The following SLC9B1 variants were observed in gnomAD, a reference collection of about 807,000 sequenced individuals.
SLC9B1 encodes solute carrier family 9 member B1, also known as sodium/hydrogen exchanger 9B1.
In SLC9B1, 32 loss-of-function variants were observed where a neutral mutation model predicts 51.7. The ratio of observed to expected loss-of-function variants is 0.62; its 90% confidence interval spans 0.47 to 0.83. The LOEUF is 0.83. Among genes scored for constraint, SLC9B1 ranks in the 40% least tolerant of loss-of-function variants. The pLI, the probability that SLC9B1 is intolerant of heterozygous loss-of-function variation, is 0.00. For missense variants in SLC9B1, 406 were observed against 613.2 expected (o/e 0.66, Z 3.57); for synonymous variants, 145 against 212.7 (o/e 0.68, Z 2.77).
intron 3 of SLC9B1, among the ~76,000 whole-genome samples, chr4:102,960,158 G>A (rs1256930723): frequency 6.6e-6 from 1 of 151,482 alleles, no homozygotes; most frequent in Non-Finnish European, 1.5e-5. Flanking sequence ...GGACATTAAA[G>A]AAATGTGAAA....
chr4:102,896,562 G>A (rs1315356916), downstream of SLC9B1, among the ~76,000 whole-genome samples: 2 of 152,082 alleles, frequency 1.3e-5, no homozygotes, highest in Non-Finnish European at 2.9e-5. Context: ...CAAACTTCCC[G>A]AGGCTCCACC....
At chr4:102,987,238 G>A (rs1039768691) in intron 3 of SLC9B1, among the ~76,000 whole-genome samples, 1 of 152,134 alleles carries the variant, frequency 6.6e-6, no homozygotes, top group East Asian at 1.9e-4. Flanking sequence ...GTGCAGGATG[G>A]TTAGAGGAGG....
intron 3 of SLC9B1, among the ~76,000 whole-genome samples, chr4:102,980,408 A>G (rs1178576255): frequency 6.6e-6 from 1 of 152,242 alleles, no homozygotes. Context: ...GATACTATGC[A>G]GCCATAAAAA....
intron 7 of SLC9B1, among the ~76,000 whole-genome samples, chr4:102,926,549 A>G (rs893965130): frequency 2.0e-5 from 3 of 152,244 alleles, no homozygotes; most frequent in African/African-American, 4.8e-5. Flanking sequence ...AGGGTTGTGA[A>G]GGACCTCTTC....
intron 6 of SLC9B1, among the ~76,000 whole-genome samples, chr4:102,936,783 A>G (rs1736744671): frequency 1.3e-5 from 2 of 152,332 alleles, no homozygotes; most frequent in South Asian, 4.1e-4. Flanking sequence ...TCAAGGCATC[A>G]CTCAAAGAAA....
rs1738948222 is a variant in SLC9B1 at position 102,974,377 on chromosome 4, G to A, written c.211+15423C>T. Among the ~76,000 whole-genome samples, 4 of 151,248 alleles carry A rather than the reference G, an allele frequency of 2.6e-5. No homozygotes were observed. In the South Asian group the frequency reaches 8.4e-4, roughly 32 times the overall value. The stretch of plus-strand genomic sequence containing the variant: ...ATAGGCAAGATTCACAAAACCAAAT[G>A]CTGATTCTTTGAAAAGAATAATAAA... On this transcript the variant is annotated intron_variant, in intron 3 of 11. Transcript: ENST00000296422.
At chr4:102,943,506 T>TACACACACACACACAC (rs373442152) in intron 6 of SLC9B1, among the ~76,000 whole-genome samples, 3,864 of 145,512 alleles carry the variant, frequency 0.027, 67 homozygotes, top group Middle Eastern at 0.055. Context: ...TGTGTATGTA[T>TACACACACACACACAC]ACACACACAC....
At chr4:102,985,343 T>A (rs1739558472) in intron 3 of SLC9B1, among the ~76,000 whole-genome samples, 1 of 152,216 alleles carries the variant, frequency 6.6e-6, no homozygotes, top group African/African-American at 2.4e-5. Flanking sequence ...TGCTTGTTCC[T>A]CTTTGCTATT....
At chr4:102,915,998 A>G (rs1735559920) in intron 7 of SLC9B1, among the ~76,000 whole-genome samples, 1 of 152,162 alleles carries the variant, frequency 6.6e-6, no homozygotes, top group Non-Finnish European at 1.5e-5. Context: ...AATCAGTGAA[A>G]CATAAAGGGA....
At chr4:102,912,758 T>C (rs1168093988) in intron 7 of SLC9B1, among the ~76,000 whole-genome samples, 2 of 152,038 alleles carry the variant, frequency 1.3e-5, no homozygotes, top group Non-Finnish European at 2.9e-5. Context: ...TGTGTGCCTA[T>C]AGTCCAAGTA....
rs559253921 is a variant in SLC9B1, at chr4:102,951,479, G to C, written c.212-2052C>G. 1.9e-3 allele frequency among the ~76,000 whole-genome samples: 296 copies of C among 151,926 alleles called. 5 individuals carry two copies. Among genetic ancestry groups the C allele is most frequent in the African/African-American group, 7.0e-3 (289 of 41,414 alleles). On this transcript the variant is annotated intron_variant, in intron 3 of 11. Coordinates refer to ENST00000296422, the MANE Select transcript of SLC9B1 (RefSeq NM_139173.4). Reference sequence around the variant, plus strand: ...ACTATAAAATATGTATTTTCAAAGGGACTAGAGACAATTTTTAAAAATTGG... The same window carrying C: ...ACTATAAAATATGTATTTTCAAAGGCACTAGAGACAATTTTTAAAAATTGG...
chr4:102,905,337 C>T (rs1463818946), intron 11 of SLC9B1, among the ~76,000 whole-genome samples, 177 bp downstream of exon 11: 2 of 152,098 alleles, frequency 1.3e-5, no homozygotes, highest in Non-Finnish European at 2.9e-5. Flanking sequence ...TCTCCCATCT[C>T]AGCCTCCTGA....
intron 1 of SLC9B1, among the ~76,000 whole-genome samples, chr4:103,003,520 A>T (rs977003927): frequency 6.6e-6 from 1 of 152,180 alleles, no homozygotes; most frequent in Non-Finnish European, 1.5e-5. Flanking sequence ...TCATTGTTGC[A>T]CATTTGTAGA....
chr4:102,898,750 C>T (rs533338976), downstream of SLC9B1, among the ~76,000 whole-genome samples: 24 of 152,222 alleles, frequency 1.6e-4, no homozygotes, highest in Middle Eastern at 3.4e-3. Context: ...TTTTTTGAGA[C>T]GGAGTCTCGC....
chr4:103,019,545 C>G (rs1324902595), intron 1 of SLC9B1, 54 bp downstream of exon 1: 1 of 981,778 alleles, frequency 1.0e-6, no homozygotes, highest in Admixed American at 6.1e-5. Context: ...GCGGCAGACC[C>G]GGGACTAGCG....
intron 1 of SLC9B1, among the ~76,000 whole-genome samples, chr4:103,005,873 G>T (rs1454085817): frequency 6.6e-6 from 1 of 152,068 alleles, no homozygotes; most frequent in African/African-American, 2.4e-5. Context: ...AATTAAGTCA[G>T]AAATTAAGAA....
intron 3 of SLC9B1, among the ~76,000 whole-genome samples, chr4:102,960,069 A>C (rs1224295630): frequency 6.6e-6 from 1 of 152,020 alleles, no homozygotes; most frequent in East Asian, 1.9e-4. Flanking sequence ...GAGAAGCACT[A>C]GTGTCAGGAA....
chr4:102,949,556 A>T (rs1737440542), intron 3 of SLC9B1, 129 bp from the exon 4 acceptor site: 2 of 566,360 alleles, frequency 3.5e-6, no homozygotes, highest in South Asian at 1.3e-4. Flanking sequence ...ATAGATCAAC[A>T]TTGCTTACTA....
intron 11 of SLC9B1, among the ~76,000 whole-genome samples, chr4:102,893,953 T>C (rs992813598): frequency 1.3e-5 from 2 of 152,060 alleles, no homozygotes; most frequent in Non-Finnish European, 2.9e-5. Flanking sequence ...TACATATGAA[T>C]GAATATTCTA....
Sources: allele counts gnomAD v4.1 joint callset (sites outside exome capture counted in the v4.1 genomes callset), GRCh38; gene constraint gnomAD v4.1.1; transcripts MANE v1.5; gene names NCBI Gene and HGNC (gene_info 2026-07-23, HGNC 2026-07-21).